The following PDE4D variants were observed in gnomAD, a reference collection of about 807,000 sequenced individuals.
PDE4D encodes 3',5'-cyclic-AMP phosphodiesterase 4D.
In PDE4D, 24 loss-of-function variants were observed where a neutral mutation model predicts 87.4. The observed-to-expected ratio is 0.27, with a 90% CI of 0.20 to 0.39. The LOEUF (loss-of-function observed/expected upper bound fraction) is 0.39. PDE4D is among the 10% of genes least tolerant of loss of function. The pLI is 1.00. For synonymous variants in PDE4D, 384 were observed against 383.2 expected (o/e 1.00, Z -0.02); for missense variants, 714 against 1,041.0 (o/e 0.69, Z 4.32).
chr5:60,226,769 C>T (rs1357243454), intron 1 of PDE4D, among the ~76,000 whole-genome samples: 1 of 151,666 alleles, frequency 6.6e-6, no homozygotes, highest in Non-Finnish European at 1.5e-5. Flanking sequence ...TCATCAATGC[C>T]ATCTGACACT....
intron 3 of PDE4D, among the ~76,000 whole-genome samples, chr5:59,925,393 A>G (rs2152782430): frequency 6.6e-6 from 1 of 152,280 alleles, no homozygotes; most frequent in Non-Finnish European, 1.5e-5. Flanking sequence ...AAAATTCAAG[A>G]AATTAAAAAC....
At chr5:59,582,257 T>C (rs1824298666) in intron 1 of PDE4D, among the ~76,000 whole-genome samples, 1 of 152,146 alleles carries the variant, frequency 6.6e-6, no homozygotes, top group Non-Finnish European at 1.5e-5. Flanking sequence ...GTCATTTCCT[T>C]CAACGTATAC....
intron 1 of PDE4D, among the ~76,000 whole-genome samples, chr5:59,681,972 T>C (rs1241155232): frequency 6.6e-6 from 1 of 151,320 alleles, no homozygotes. Context: ...CCTTTCATCA[T>C]GTCATGATGC....
chr5:60,477,835 G>A lies in PDE4D; in HGVS notation c.-90+10107C>T, dbSNP rs1386706048. ...TGGAGGGATATGAGAGACATGGGAA[G>A]GAGCATTGACTTTACCAAGGAAGGT... On this transcript the variant is annotated intron_variant, in intron 1 of 16. Transcript: ENST00000502484. Among the ~76,000 whole-genome samples, 7 of 152,312 alleles carry A rather than the reference G, an allele frequency of 4.6e-5. No individual in the cohort carries two copies. In the East Asian group the frequency reaches 7.7e-4, roughly 17 times the overall value.
intron 1 of PDE4D, among the ~76,000 whole-genome samples, chr5:59,491,563 T>TAA (rs1806186663): frequency 1.3e-5 from 2 of 152,194 alleles, no homozygotes; most frequent in Admixed American, 6.5e-5. Flanking sequence ...TGTAGTCTCA[T>TAA]TGTGAATAGT....
Position 60,464,027 on chromosome 5 carries a change from C to T in PDE4D, c.-90+23915G>A, listed in dbSNP as rs529404102. Among the ~76,000 whole-genome samples the T allele has an allele frequency of 3.3e-5, 5 of 152,250 alleles. No individual in the cohort carries two copies. The South Asian group carries it at 1.0e-3, about 32-fold the overall frequency. On this transcript the variant is annotated intron_variant, in intron 1 of 16. Transcript: ENST00000502484. ...TTAACCCATTTCTTTCCTTCTTTCT[C>T]TCTCTCCCCCTCCCCATCCCACACA...
chr5:60,177,621 G>T (rs1784033759), intron 2 of PDE4D, among the ~76,000 whole-genome samples: 1 of 152,110 alleles, frequency 6.6e-6, no homozygotes, highest in African/African-American at 2.4e-5. Flanking sequence ...TCATTTGTTA[G>T]GTTAAGAAGA....
At chr5:59,701,770 C>A (rs1196697419) in intron 1 of PDE4D, among the ~76,000 whole-genome samples, 1 of 152,210 alleles carries the variant, frequency 6.6e-6, no homozygotes, top group Non-Finnish European at 1.5e-5. Context: ...TTCTTCACAA[C>A]TTCTCAAAGC....
At chr5:59,963,923 A>T (rs1297787778) in intron 3 of PDE4D, among the ~76,000 whole-genome samples, 1 of 152,108 alleles carries the variant, frequency 6.6e-6, no homozygotes, top group Non-Finnish European at 1.5e-5. Context: ...GTCATTTCTT[A>T]ACTTCATCTA....
chr5:60,089,480 A>G (rs1774877564), intron 2 of PDE4D, among the ~76,000 whole-genome samples: 1 of 152,010 alleles, frequency 6.6e-6, no homozygotes, highest in Non-Finnish European at 1.5e-5. Flanking sequence ...AATTTAAAAA[A>G]TTTTCTTAGG....
chr5:60,231,906 A>G (rs1479066539), intron 1 of PDE4D, among the ~76,000 whole-genome samples: 1 of 151,978 alleles, frequency 6.6e-6, no homozygotes, highest in East Asian at 1.9e-4. Context: ...TATGCCAAAA[A>G]TGAGTTAAAC....
intron 1 of PDE4D, among the ~76,000 whole-genome samples, chr5:59,361,861 A>G (rs976654967): frequency 3.9e-5 from 6 of 152,202 alleles, no homozygotes; most frequent in African/African-American, 1.4e-4. Flanking sequence ...ATATTCTTAT[A>G]TGTGCCTAAA....
At chr5:59,926,536 A>T (rs1755307221) in intron 3 of PDE4D, among the ~76,000 whole-genome samples, 1 of 152,154 alleles carries the variant, frequency 6.6e-6, no homozygotes, top group Non-Finnish European at 1.5e-5. Flanking sequence ...AATTGAAATG[A>T]AGAAAACAAT....
At chr5:60,344,166 A>G (rs1389055908) in intron 1 of PDE4D, among the ~76,000 whole-genome samples, 3 of 152,096 alleles carry the variant, frequency 2.0e-5, no homozygotes, top group Non-Finnish European at 4.4e-5. Flanking sequence ...AAAAGGTTAG[A>G]AGTATATGAA....
At chr5:59,201,864 T>A (rs933837380) in intron 2 of PDE4D, among the ~76,000 whole-genome samples, 1 of 152,120 alleles carries the variant, frequency 6.6e-6, no homozygotes, top group Non-Finnish European at 1.5e-5. Context: ...GGCAAGAATG[T>A]CCAGCAACCT....
At chr5:59,361,464 A>G (rs1229274031) in intron 1 of PDE4D, among the ~76,000 whole-genome samples, 1 of 152,180 alleles carries the variant, frequency 6.6e-6, no homozygotes, top group Non-Finnish European at 1.5e-5. Flanking sequence ...AATTCTTTCT[A>G]TTTAATATTC....
chr5:59,523,506 C>T (rs1812584434), intron 1 of PDE4D, among the ~76,000 whole-genome samples: 1 of 152,116 alleles, frequency 6.6e-6, no homozygotes, highest in Admixed American at 6.5e-5. Context: ...GATAGCACAC[C>T]TTGTTTTGTG....
At chr5:60,027,466 C>T (rs1766763352) in intron 2 of PDE4D, among the ~76,000 whole-genome samples, 1 of 152,036 alleles carries the variant, frequency 6.6e-6, no homozygotes, top group East Asian at 1.9e-4. Context: ...TGTATATGTA[C>T]CTAGGTGTCA....
intron 1 of PDE4D, among the ~76,000 whole-genome samples, chr5:59,718,691 G>A (rs1436918361): frequency 6.6e-6 from 1 of 152,058 alleles, no homozygotes; most frequent in East Asian, 1.9e-4. Context: ...TCGAGATTGT[G>A]CTCAACTAAA....
Sources: allele counts gnomAD v4.1 joint callset (sites outside exome capture counted in the v4.1 genomes callset), GRCh38; gene constraint gnomAD v4.1.1; transcripts MANE v1.5; gene names NCBI Gene and HGNC (gene_info 2026-07-23, HGNC 2026-07-21).